The following CRACR2A variants were observed in gnomAD, a reference collection of about 807,000 sequenced individuals.
CRACR2A encodes the protein EF-hand calcium-binding domain-containing protein 4B.
A neutral mutation model predicts 90.5 loss-of-function variants in CRACR2A; 79 were observed. That is an observed-to-expected ratio of 0.87 (90% CI 0.73 to 1.05). The LOEUF is 1.05. CRACR2A is among the 50% of genes least tolerant of loss of function. The pLI, the probability that CRACR2A is intolerant of heterozygous loss-of-function variation, is 0.00. For missense variants in CRACR2A, 823 were observed against 897.2 expected (o/e 0.92, Z 1.06); for synonymous variants, 338 against 356.7 (o/e 0.95, Z 0.59).
At position 3,679,022 on chromosome 12, in the gene CRACR2A, C is replaced by T. The variant is rs3803135; in HGVS notation, c.417G>A (p.Lys139=). ...CCTCATCCCCTCTGGACAGATACAC[C>T]TTCTCTTCATGGCGCTGGGCCACCT... ...GEQVAQRHEE[K]VYLSRGDEDL... The change falls in exon 6 of 20, where the codon AAG becomes AAA. Residue 139 remains lysine (K), a synonymous_variant. Coordinates refer to ENST00000440314, the MANE Select transcript of CRACR2A (RefSeq NM_001144958.2). The T allele has an allele frequency of 0.13, 209,950 of 1,611,956 alleles. 15,172 individuals carry two copies. Among genetic ancestry groups the T allele is most frequent in the Admixed American group, 0.27 (16,224 of 59,656 alleles).
chr12:3,661,108 C>T (rs928211331), intron 7 of CRACR2A, among the ~76,000 whole-genome samples: 1 of 152,190 alleles, frequency 6.6e-6, no homozygotes, highest in African/African-American at 2.4e-5. Context: ...CAATCCAGGA[C>T]CAGACCTTCT....
intron 6 of CRACR2A, among the ~76,000 whole-genome samples, chr12:3,678,236 G>A (rs76358735): frequency 6.6e-6 from 1 of 152,160 alleles, no homozygotes; most frequent in Non-Finnish European, 1.5e-5. Context: ...TCAGGGCTTA[G>A]ATCCCTGTGT....
intron 3 of CRACR2A, among the ~76,000 whole-genome samples, chr12:3,704,636 C>A (rs866239863): frequency 2.1e-4 from 32 of 152,192 alleles, no homozygotes; most frequent in Middle Eastern, 3.2e-3. Context: ...TGGGTCAGAA[C>A]CTTCTTCTGT....
At chr12:3,651,553 A>G (rs1427728019) in intron 10 of CRACR2A, among the ~76,000 whole-genome samples, 1 of 152,140 alleles carries the variant, frequency 6.6e-6, no homozygotes, top group Non-Finnish European at 1.5e-5. Flanking sequence ...TCTCTGCTTG[A>G]TAGTTCTTTC....
intron 7 of CRACR2A, among the ~76,000 whole-genome samples, chr12:3,668,831 CTT>C (rs1018766815): frequency 3.0e-4 from 46 of 152,310 alleles, no homozygotes; most frequent in African/African-American, 1.0e-3. Flanking sequence ...GGGGCTGCAA[CTT>C]AAGGGCCTGT....
At chr12:3,681,106 C>T (rs981517355) in intron 4 of CRACR2A, among the ~76,000 whole-genome samples, 8 of 152,194 alleles carry the variant, frequency 5.3e-5, no homozygotes, top group African/African-American at 1.9e-4. Flanking sequence ...CCTGGTGTCC[C>T]ATTGCCTCAG....
chr12:3,714,381 C>T (rs1946052221), intron 2 of CRACR2A, among the ~76,000 whole-genome samples: 1 of 152,182 alleles, frequency 6.6e-6, no homozygotes, highest in Admixed American at 6.5e-5. Context: ...CTCTAAGCCA[C>T]CTGTTGGCAC....
At chr12:3,717,548 C>T (rs549866742) in intron 2 of CRACR2A, among the ~76,000 whole-genome samples, 8 of 152,244 alleles carry the variant, frequency 5.3e-5, no homozygotes, top group Admixed American at 3.9e-4. Context: ...GACACACCAC[C>T]GACTGAACGA....
chr12:3,689,755 T>C (rs1217132206), intron 4 of CRACR2A, among the ~76,000 whole-genome samples: 1 of 150,204 alleles, frequency 6.7e-6, no homozygotes, highest in Non-Finnish European at 1.5e-5. Flanking sequence ...TTTAATAGTT[T>C]CGGTAGGAAT....
At chr12:3,729,577 C>T (rs1404729022) in intron 2 of CRACR2A, 3 of 152,244 alleles carry the variant, frequency 2.0e-5, no homozygotes, top group East Asian at 1.9e-4. Context: ...GTGGTGTGCA[C>T]CTGTAGTCGC....
At chr12:3,638,511 G>A (rs572891760) in intron 13 of CRACR2A, 57 bp from the exon 14 acceptor site, 1,086 of 1,462,202 alleles carry the variant, frequency 7.4e-4, no homozygotes, top group Admixed American at 1.5e-3. Flanking sequence ...ATTTCAATAC[G>A]GGCTGCATAA....
intron 4 of CRACR2A, among the ~76,000 whole-genome samples, chr12:3,694,617 G>A (rs1945706757): frequency 6.6e-6 from 1 of 152,128 alleles, no homozygotes; most frequent in South Asian, 2.1e-4. Flanking sequence ...GAACCGGGGG[G>A]CATGGGGACT....
At chr12:3,694,464 C>G (rs1291427385) in intron 4 of CRACR2A, among the ~76,000 whole-genome samples, 2 of 152,178 alleles carry the variant, frequency 1.3e-5, no homozygotes, top group Admixed American at 1.3e-4. Context: ...TGAGGCTGTG[C>G]TGGGAGCCTA....
At chr12:3,700,521 G>A (rs1945820137) in intron 3 of CRACR2A, among the ~76,000 whole-genome samples, 1 of 152,058 alleles carries the variant, frequency 6.6e-6, no homozygotes, top group East Asian at 1.9e-4. Context: ...GTAAAAGGCT[G>A]GAAAAAGATA....
intron 14 of CRACR2A, among the ~76,000 whole-genome samples, chr12:3,634,107 C>A (rs535629709): frequency 6.6e-6 from 1 of 152,006 alleles, no homozygotes; most frequent in Non-Finnish European, 1.5e-5. Flanking sequence ...GGGATCTGAG[C>A]GGTGGCTTCA....
chr12:3,617,108 G>A, intron 18 of CRACR2A, 78 bp from the exon 19 acceptor site: 2 of 1,059,372 alleles, frequency 1.9e-6, no homozygotes, highest in Non-Finnish European at 1.4e-6. Context: ...GAGCCCCCTT[G>A]TGCATCTACC....
intron 15 of CRACR2A, among the ~76,000 whole-genome samples, chr12:3,632,021 G>A (rs866860560): frequency 6.6e-6 from 1 of 152,158 alleles, no homozygotes; most frequent in Non-Finnish European, 1.5e-5. Flanking sequence ...AGTGTTGGAG[G>A]TGGGGCCTGG....
chr12:3,654,740 G>A (rs1944867736), intron 9 of CRACR2A, among the ~76,000 whole-genome samples: 1 of 152,192 alleles, frequency 6.6e-6, no homozygotes, highest in Admixed American at 6.5e-5. Context: ...AATCCATCTT[G>A]TTGTCCTTTA....
Position 3,750,933 on chromosome 12 carries a change from C to A in CRACR2A, c.-387+2082G>T, listed in dbSNP as rs140044199. On this transcript the variant is annotated intron_variant, in intron 1 of 19. Transcript: ENST00000440314. ...GCGTGACGCATCTCCAATCACCCCC[C>A]ACACCTGGGGTTCCATCTCTGTCAG... Among the ~76,000 whole-genome samples the A allele has an allele frequency of 3.7e-4, 56 of 152,342 alleles. 2 individuals carry two copies. The South Asian group carries it at 7.5e-3, about 20-fold the overall frequency.
Sources: gnomAD v4.1 joint callset for allele counts (sites outside exome capture counted in the v4.1 genomes callset) on GRCh38, gnomAD v4.1.1 for gene constraint, MANE v1.5 for transcripts, NCBI Gene and HGNC (gene_info 2026-07-23, HGNC 2026-07-21) for gene names.